HSPG2: variants seen among roughly 807,000 people sequenced by gnomAD.
HSPG2 encodes heparan sulfate proteoglycan 2.
HSPG2 carries 278 observed loss-of-function variants against 526.6 expected under a neutral mutation model. That is an observed-to-expected ratio of 0.53 (90% CI 0.48 to 0.58). HSPG2 has a LOEUF of 0.58. HSPG2 is among the 20% of genes least tolerant of loss of function. The pLI, the probability that HSPG2 is intolerant of heterozygous loss-of-function variation, is 0.00. For synonymous variants in HSPG2, 2,465 were observed against 2,555.4 expected (o/e 0.96, Z 1.07); for missense variants, 5,354 against 6,099.5 (o/e 0.88, Z 4.07).
rs1388514009 is a variant in HSPG2 at position 21,875,778 on chromosome 1, C to T, written c.3184-31G>A. On this transcript the variant is annotated intron_variant, in intron 24 of 96. Transcript: ENST00000374695. ...AAGGAGAGGACACATGTGCTCAGCC[C>T]CTGACGTCCTGGAGTATTGAATGCC... is the stretch of plus-strand genomic sequence containing the variant. 2.2e-5 allele frequency: 36 copies of T among 1,605,674 alleles called. 1 individual carries two copies. The highest frequency in any genetic ancestry group is 8.3e-5 in the Admixed American group (5 of 60,012).
rs142248704 is a variant in HSPG2 at position 21,884,578 on chromosome 1, C to T, written c.1604G>A (p.Arg535His). 1.2e-5 allele frequency: 19 copies of T among 1,610,678 alleles called. No homozygotes were observed. Among genetic ancestry groups the T allele is most frequent in the East Asian group, 4.5e-5 (2 of 44,888 alleles). The change falls in exon 13 of 97, where the codon CGC (arginine) becomes CAC (histidine). Residue 535 changes from arginine (R) to histidine (H), a missense_variant. By Grantham distance (29) the Arg-to-His change is conservative. Transcript: ENST00000374695. ...GITSVCQSTR[R>H]FRDQIRLRFD... Reference sequence around the variant, plus strand: ...GCGCAGCCTGATCTGGTCCCGGAAGCGGCGGGTGCTCTGGCACACGCTGGT... The same window carrying T: ...GCGCAGCCTGATCTGGTCCCGGAAGTGGCGGGTGCTCTGGCACACGCTGGT...
intron 21 of HSPG2, among the ~76,000 whole-genome samples, chr1:21,877,872 A>C (rs139389157): frequency 1.1e-4 from 16 of 152,348 alleles, no homozygotes; most frequent in African/African-American, 3.8e-4. Context: ...TGGGGACACT[A>C]ATATCTATAT....
At chr1:21,832,835 T>C in intron 80 of HSPG2, 1 of 592,528 alleles carries the variant, frequency 1.7e-6, no homozygotes, top group Admixed American at 3.0e-5. Flanking sequence ...TCACACACAC[T>C]GGAGTCTCCC....
Position 21,912,414 on chromosome 1 carries a change from G to A in HSPG2, c.64-16104C>T, listed in dbSNP as rs141103725. 2.8e-4 allele frequency among the ~76,000 whole-genome samples: 42 copies of A among 152,170 alleles called. 1 individual carries two copies. The highest frequency in any genetic ancestry group is 8.4e-4 in the African/African-American group (35 of 41,498). On this transcript the variant is annotated intron_variant, in intron 1 of 96. Transcript: ENST00000374695. ...GTGAGTGAGCTCTCCAAAGACCCCC[G>A]GGGAGAATGAGACACAAGAGAAACC...
chr1:21,851,824 C>G lies in HSPG2; in HGVS notation c.6973G>C (p.Val2325Leu). 2 of 1,613,774 alleles carry G rather than the reference C, an allele frequency of 1.2e-6. No individual in the cohort carries two copies. Among genetic ancestry groups the G allele is most frequent in the Non-Finnish European group, 1.7e-6 (2 of 1,179,996 alleles). Residue 2325 changes from valine to leucine, a missense_variant, in exon 54 of 97, where the codon GTA becomes CTA. Physicochemically the swap from Val to Leu is conservative, Grantham distance 32. Coordinates refer to ENST00000374695, the MANE Select transcript of HSPG2 (RefSeq NM_005529.7). ...AAGTTGGCCCCCTGGGTCCCAGTTA[C>G]TGTGACCGTGATGGAGGCCTCCATG... ...NGMEASITVT[V>L]TGTQGANLAY...
At chr1:21,827,747 G>T in intron 91 of HSPG2, 116 bp downstream of exon 91, 1 of 1,083,782 alleles carries the variant, frequency 9.2e-7, no homozygotes, top group Non-Finnish European at 1.4e-6. Flanking sequence ...CTGTCTCTCT[G>T]CCCAGCAAGC....
At chr1:21,855,726 C>T (rs764263058) in intron 45 of HSPG2, 51 bp from the exon 46 acceptor site, 49 of 1,601,392 alleles carry the variant, frequency 3.1e-5, no homozygotes, top group Non-Finnish European at 2.0e-5. Context: ...CAGAGTCCTG[C>T]CCCTCCCCTC....
Position 21,838,816 on chromosome 1 carries a change from G to A in HSPG2, c.10150+9C>T, listed in dbSNP as rs776835402. 5.0e-6 allele frequency: 8 copies of A among 1,611,284 alleles called. No homozygotes were observed. The highest frequency in any genetic ancestry group is 5.9e-6 in the Non-Finnish European group (7 of 1,179,410). ...TGATCCCCTTCCACGCAGAGCCGGG[G>A]CTGCTTACCTTGGACGAGCAGCTGG... On this transcript the variant is annotated intron_variant, in intron 74 of 96. Transcript: ENST00000374695.
intron 53 of HSPG2, 64 bp from the exon 54 acceptor site, chr1:21,851,990 G>C: frequency 6.2e-7 from 1 of 1,609,826 alleles, no homozygotes; most frequent in Non-Finnish European, 8.5e-7. Flanking sequence ...CCCCACCGCT[G>C]TCCCCCCGAT....
intron 30 of HSPG2, 54 bp from the exon 31 acceptor site, chr1:21,873,145 T>C (rs1572311485): frequency 7.0e-7 from 1 of 1,436,144 alleles, no homozygotes; most frequent in Non-Finnish European, 9.7e-7. Context: ...CCAGCACCCC[T>C]CTTCCCTCCA....
chr1:21,901,945 G>A (rs1643122855), intron 1 of HSPG2, among the ~76,000 whole-genome samples: 1 of 152,218 alleles, frequency 6.6e-6, no homozygotes, highest in Admixed American at 6.5e-5. Context: ...ACCCAGACAA[G>A]GTCCCCATCC....
rs1469912107 is a variant in HSPG2, at chr1:21,858,182, T to C, written c.5294-797A>G. On this transcript the variant is annotated intron_variant, in intron 42 of 96. Transcript: ENST00000374695. The surrounding 1 kb of genome is among the most constrained non-coding windows in gnomAD (Gnocchi z 4.2). ...TCCTTCCAATCTGGTTTCTATCCCT[T>C]CTCTCCACTGAAAACCGCTCTTGTC... Among the ~76,000 whole-genome samples, 1 of 152,152 alleles carries C rather than the reference T, an allele frequency of 6.6e-6. No individual in the cohort carries two copies. Among genetic ancestry groups the C allele is most frequent in the African/African-American group, 2.4e-5 (1 of 41,430 alleles).
chr1:21,842,031 T>C lies in HSPG2; in HGVS notation c.9164A>G (p.Glu3055Gly). 6.2e-7 allele frequency: 1 copy of C among 1,613,512 alleles called. No homozygotes were observed. The highest frequency in any genetic ancestry group is 1.3e-5 in the African/African-American group (1 of 75,024). ...IHDGAAPISL[E>G]WKTRNQELED... is the part of the protein sequence containing the mutation. Reference sequence around the variant, plus strand: ...CAGCTCCTGGTTCCGGGTCTTCCACTCGAGGCTGATGGGGGCTGCCCCGTC... The same window carrying C: ...CAGCTCCTGGTTCCGGGTCTTCCACCCGAGGCTGATGGGGGCTGCCCCGTC... Residue 3055 changes from glutamate (E) to glycine (G), a missense_variant, in exon 69 of 97, where the codon GAG becomes GGG. By Grantham distance (98) the Glu-to-Gly change is moderately conservative. Transcript: ENST00000374695.
At position 21,839,864 on chromosome 1, in the gene HSPG2, C is replaced by T. The variant is rs772038023; in HGVS notation, c.9667G>A (p.Val3223Met). The change falls in exon 72 of 97, where the codon GTG (valine) becomes ATG (methionine). Residue 3223 changes from valine (V) to methionine (M), a missense_variant. By Grantham distance (21) the Val-to-Met change is conservative. Transcript: ENST00000374695. This position sits in a 1 kb window ranked among gnomAD's most constrained non-coding sequence, Gnocchi z 4.5. ...AAGGTGGCCGTGTGTCCAGCCTCCA[C>T]AGTCAGCTCAGCTTCTTCAGCTTGG... ...QVQAEEAELT[V>M]EAGHTATLRC... is the part of the protein sequence containing the mutation. The T allele has an allele frequency of 6.2e-6, 10 of 1,613,998 alleles. No individual in the cohort carries two copies. In the East Asian group the frequency reaches 6.7e-5, roughly 11 times the overall value.
chr1:21,835,199 C>T (rs564784126), intron 76 of HSPG2: 108 of 614,524 alleles, frequency 1.8e-4, no homozygotes, highest in Non-Finnish European at 3.0e-4. Context: ...TCACGGCTCA[C>T]CACAGCCTAG....
Position 21,875,009 on chromosome 1 carries a change from G to T in HSPG2, c.3303-7C>A. On this transcript the variant is annotated splice_region_variant and splice_polypyrimidine_tract_variant and intron_variant, in intron 25 of 96. Coordinates refer to ENST00000374695, the MANE Select transcript of HSPG2 (RefSeq NM_005529.7). ...CATGCTGATGCCAGAGACCCTGGGC[G>T]TGACAAGACCCAGCGTGAATAGGAG... is the stretch of plus-strand genomic sequence containing the variant. 6.3e-7 allele frequency: 1 copy of T among 1,582,186 alleles called. No homozygotes were observed.
intron 1 of HSPG2, among the ~76,000 whole-genome samples, chr1:21,920,043 A>G (rs1032752596): frequency 4.6e-5 from 7 of 152,112 alleles, no homozygotes; most frequent in Non-Finnish European, 1.0e-4. Flanking sequence ...GGTAGCTGGG[A>G]TTACAGGCAT....
rs2098013345 is a variant in HSPG2, at chr1:21,833,448, C to G, written c.10978+19G>C. 2.5e-6 allele frequency: 4 copies of G among 1,614,204 alleles called. No individual in the cohort carries two copies. The stretch of plus-strand genomic sequence containing the variant: ...GGGAGTGGGCAGGGCACTGCCAATT[C>G]TTAGGGGTGGTGTCTTACCTGGCAC... On this transcript the variant is annotated intron_variant, in intron 79 of 96. Transcript: ENST00000374695.
chr1:21,896,909 T>A (rs1167167438), intron 1 of HSPG2, among the ~76,000 whole-genome samples: 1 of 152,224 alleles, frequency 6.6e-6, no homozygotes, highest in East Asian at 1.9e-4. Flanking sequence ...GCAGCCACAC[T>A]GACAGGCTCA....
Sources: gnomAD v4.1 joint callset for allele counts (sites outside exome capture counted in the v4.1 genomes callset) on GRCh38, gnomAD v4.1.1 for gene constraint, Gnocchi (gnomAD v3.1) non-coding constraint, MANE v1.5 for transcripts, NCBI Gene and HGNC (gene_info 2026-07-23, HGNC 2026-07-21) for gene names.